The following IGSF5 variants were observed in gnomAD, a reference collection of about 807,000 sequenced individuals.
The protein encoded by IGSF5 is immunoglobulin superfamily 5 like.
A neutral mutation model predicts 39.4 loss-of-function variants in IGSF5; 41 were observed. The observed-to-expected ratio is 1.04, with a 90% CI of 0.81 to 1.35. The LOEUF is 1.35. Ranked by LOEUF, IGSF5 falls within the 40% of genes most tolerant of loss-of-function variation. The probability of loss-of-function intolerance (pLI) is 0.00; values close to 1 mark genes in which losing one functional copy is unlikely to be tolerated. For synonymous variants in IGSF5, 183 were observed against 175.3 expected, an observed-to-expected ratio of 1.04 and a Z score of -0.34; for missense variants, 487 against 494.6, an observed-to-expected ratio of 0.98 and a Z score of 0.15.
chr21:39,797,591 A>G (rs887020549), intron 8 of IGSF5, among the ~76,000 whole-genome samples: 1 of 152,058 alleles, frequency 6.6e-6, no homozygotes, highest in African/African-American at 2.4e-5. Flanking sequence ...ATCATAGCTC[A>G]CTGTAACCTC....
chr21:39,782,235 T>C (rs80235151), intron 5 of IGSF5, among the ~76,000 whole-genome samples: 6,871 of 152,214 alleles, frequency 0.045, 545 homozygotes, highest in African/African-American at 0.15. Flanking sequence ...ATTATAGAAG[T>C]TTTATAGTAT....
intron 7 of IGSF5, among the ~76,000 whole-genome samples, chr21:39,792,587 CAT>C (rs916159955): frequency 6.6e-5 from 10 of 152,072 alleles, no homozygotes; most frequent in African/African-American, 2.4e-4. Flanking sequence ...TACATTAAAA[CAT>C]GTGGGGAGGT....
intron 3 of IGSF5, among the ~76,000 whole-genome samples, chr21:39,767,166 A>G (rs1757607765): frequency 6.6e-6 from 1 of 152,206 alleles, no homozygotes. Flanking sequence ...AGAACAGAGG[A>G]AAAAAGAATC....
the IGSF5 span, among the ~76,000 whole-genome samples, chr21:39,738,942 G>A: frequency 6.6e-6 from 1 of 152,024 alleles, no homozygotes; most frequent in Non-Finnish European, 1.5e-5. The surrounding 1 kb of genome is among the most constrained non-coding windows in gnomAD (Gnocchi z 6.4). Flanking sequence ...AGGCTGGAGT[G>A]CAATGGTGCA....
At chr21:39,739,153 C>T in the IGSF5 span, among the ~76,000 whole-genome samples, 1 of 152,008 alleles carries the variant, frequency 6.6e-6, no homozygotes, top group Non-Finnish European at 1.5e-5. Flanking sequence ...TGATCTTGAA[C>T]TCCTGACCTC....
chr21:39,782,188 C>T (rs915208473), intron 5 of IGSF5, among the ~76,000 whole-genome samples: 5 of 152,068 alleles, frequency 3.3e-5, no homozygotes, highest in African/African-American at 9.7e-5. Flanking sequence ...TCCATTGGTC[C>T]GTTTGCCTAT....
chr21:39,743,850 T>C (rs1331512078), upstream of IGSF5, among the ~76,000 whole-genome samples: 2 of 152,182 alleles, frequency 1.3e-5, no homozygotes, highest in Non-Finnish European at 2.9e-5. Flanking sequence ...TTGAAGAGAA[T>C]ATCACGGCCA....
At chr21:39,716,030 A>G in the IGSF5 span, among the ~76,000 whole-genome samples, 1 of 152,196 alleles carries the variant, frequency 6.6e-6, no homozygotes, top group Non-Finnish European at 1.5e-5. Context: ...ATCCACACTG[A>G]TAATTGTAGG....
At position 39,765,788 on chromosome 21, in the gene IGSF5, G is replaced by C; in HGVS notation, c.354G>C (p.Ser118=). Residue 118 remains serine, a synonymous_variant, in exon 3 of 9, where the codon TCG becomes TCC. Coordinates refer to ENST00000380588, the MANE Select transcript of IGSF5 (RefSeq NM_001080444.2). ...TCCACAATGTGGAGCCCAGTGATTC[G>C]GGGAACATCAGATGCAGCCTCCAGA... ...MIIHNVEPSD[S]GNIRCSLQNS... is the part of the protein sequence containing the mutation. 1.2e-6 allele frequency: 2 copies of C among 1,614,012 alleles called. No homozygotes were observed. The highest frequency in any genetic ancestry group is 1.7e-6 in the Non-Finnish European group (2 of 1,180,002).
chr21:39,788,808 T>G (rs1438505667), intron 6 of IGSF5, among the ~76,000 whole-genome samples: 1 of 152,226 alleles, frequency 6.6e-6, no homozygotes, highest in African/African-American at 2.4e-5. Context: ...TAGCCATATG[T>G]GCACCAAGGG....
Position 39,801,787 on chromosome 21 carries a change from C to T in IGSF5, c.*430C>T, listed in dbSNP as rs2837229. The T allele has an allele frequency of 0.26, 40,336 of 152,842 alleles. 6,807 individuals carry two copies. Among genetic ancestry groups the T allele is most frequent in the East Asian group, 0.47 (2,447 of 5,182 alleles). The allele number at this position is 152,842 out of a possible 1,614,324, so 9.5% of individuals were successfully genotyped here. A position where few individuals can be genotyped will look rare whatever the true frequency, so the allele number is the denominator to read the frequency against. ...ATTATTACATATTATCAGTGAAATACGAGTATAAAAATTAGGGTCAACCAG... is the reference window on the plus strand; with the variant it reads ...ATTATTACATATTATCAGTGAAATATGAGTATAAAAATTAGGGTCAACCAG... On this transcript the variant is annotated 3_prime_UTR_variant, in exon 9 of 9. Coordinates refer to ENST00000380588, the MANE Select transcript of IGSF5 (RefSeq NM_001080444.2).
chr21:39,716,737 C>G, the IGSF5 span, among the ~76,000 whole-genome samples: 1 of 152,162 alleles, frequency 6.6e-6, no homozygotes, highest in Non-Finnish European at 1.5e-5. Context: ...TTTTCTTTAT[C>G]CAGTCTGTCA....
chr21:39,730,474 G>C, the IGSF5 span: 1 of 152,132 alleles, frequency 6.6e-6, no homozygotes, highest in Non-Finnish European at 1.5e-5. Context: ...ACCCATACCA[G>C]CTTGCTTGAT....
the IGSF5 span, among the ~76,000 whole-genome samples, chr21:39,732,374 T>A: frequency 2.0e-5 from 3 of 152,232 alleles, no homozygotes; most frequent in African/African-American, 4.8e-5. Flanking sequence ...GACCATTAAG[T>A]GACAATGTGA....
At chr21:39,732,529 C>T in the IGSF5 span, among the ~76,000 whole-genome samples, 1 of 152,184 alleles carries the variant, frequency 6.6e-6, no homozygotes, top group South Asian at 2.1e-4. Context: ...GATTTATCAA[C>T]TTTGTACCCA....
chr21:39,779,471 C>T (rs902767224), intron 5 of IGSF5, among the ~76,000 whole-genome samples, 166 bp downstream of exon 5: 5 of 152,214 alleles, frequency 3.3e-5, no homozygotes, highest in African/African-American at 1.2e-4. Flanking sequence ...TAAATTGTTA[C>T]AGCCTTTATG....
chr21:39,760,462 C>A (rs2080055508), intron 2 of IGSF5, among the ~76,000 whole-genome samples: 1 of 152,114 alleles, frequency 6.6e-6, no homozygotes, highest in Non-Finnish European at 1.5e-5. Context: ...ATGTGAGAGC[C>A]CTGAGGCCAG....
At chr21:39,749,156 G>A (rs1296621876) in intron 2 of IGSF5, among the ~76,000 whole-genome samples, 6 of 151,928 alleles carry the variant, frequency 3.9e-5, no homozygotes, top group Non-Finnish European at 7.4e-5. Context: ...GAGGAGAAGG[G>A]GGGAGAAAGG....
At chr21:39,722,950 A>T in the IGSF5 span, among the ~76,000 whole-genome samples, 2 of 152,360 alleles carry the variant, frequency 1.3e-5, no homozygotes, top group South Asian at 4.1e-4. Context: ...AAGCTATGTG[A>T]GGTAGATAGT....
Sources: gnomAD v4.1 joint callset for allele counts (sites outside exome capture counted in the v4.1 genomes callset) on GRCh38, gnomAD v4.1.1 for gene constraint, Gnocchi (gnomAD v3.1) non-coding constraint, MANE v1.5 for transcripts, NCBI Gene and HGNC (gene_info 2026-07-23, HGNC 2026-07-21) for gene names.